GPR176: variants seen among roughly 807,000 people sequenced by gnomAD.
GPR176 encodes the protein G-protein coupled receptor 176.
GPR176 carries 26 observed loss-of-function variants against 35.4 expected under a neutral mutation model. The ratio of observed to expected loss-of-function variants is 0.74; its 90% CI spans 0.54 to 1.02. GPR176 has a LOEUF of 1.02. GPR176 is among the 50% of genes least tolerant of loss of function. GPR176 has a pLI of 0.00. For missense variants in GPR176, 597 were observed against 665.3 expected, an observed-to-expected ratio of 0.90 and a Z score of 1.13; for synonymous variants, 278 against 271.3, an observed-to-expected ratio of 1.02 and a Z score of -0.24.
At chr15:39,849,473 C>CAA (rs143960824) in intron 1 of GPR176, among the ~76,000 whole-genome samples, 2,058 of 152,168 alleles carry the variant, frequency 0.014, 67 homozygotes, top group African/African-American at 0.047. Flanking sequence ...AAAGAAAGTA[C>CAA]AAAAGAGTAC....
At chr15:39,903,583 G>T (rs1252790155) in intron 1 of GPR176, among the ~76,000 whole-genome samples, 3 of 148,574 alleles carry the variant, frequency 2.0e-5, no homozygotes, top group Non-Finnish European at 4.5e-5. Context: ...CATATGTGAG[G>T]TTTTTTTTTT....
At chr15:39,805,194 G>A (rs191217155) in intron 2 of GPR176, among the ~76,000 whole-genome samples, 57 of 152,142 alleles carry the variant, frequency 3.7e-4, no homozygotes, top group African/African-American at 1.3e-3. Context: ...AAAATGGTTC[G>A]ACATAAAATG....
chr15:39,809,244 T>A (rs577810376), intron 1 of GPR176, among the ~76,000 whole-genome samples: 1 of 152,306 alleles, frequency 6.6e-6, no homozygotes, highest in African/African-American at 2.4e-5. Flanking sequence ...GTTCTTTCCA[T>A]TCTCTAAACC....
intron 1 of GPR176, among the ~76,000 whole-genome samples, chr15:39,914,631 T>C (rs184279958): frequency 6.6e-6 from 1 of 152,322 alleles, no homozygotes; most frequent in Admixed American, 6.5e-5. Context: ...ATTCTTAACG[T>C]AGTCTGCTAG....
In GPR176 at chr15:39,801,245, A is replaced by C; in HGVS notation, c.1435T>G (p.Leu479Val). 3 of 1,614,116 alleles carry C rather than the reference A, an allele frequency of 1.9e-6. No individual in the cohort carries two copies. The highest frequency in any genetic ancestry group is 2.5e-6 in the Non-Finnish European group (3 of 1,179,982). ...RNSKKRLLPP[L>V]GNTPEELIQT... ...ATCAGCTCTTCTGGGGTGTTGCCCA[A>C]GGGGGGAAGCAGCCGCTTCTTGCTG... Residue 479 changes from leucine to valine, a missense_variant, in exon 3 of 3, where the codon TTG (leucine) becomes GTG (valine). Physicochemically the swap from Leu to Val is conservative, Grantham distance 32 (BLOSUM62 1). Around this residue, in one of 3 missense-constraint regions of GPR176, gnomAD observed 251 missense variants for 255.4 expected, o/e 0.98. Coordinates refer to ENST00000561100, the MANE Select transcript of GPR176 (RefSeq NM_007223.3).
At chr15:39,866,707 G>T (rs1195881170) in intron 1 of GPR176, among the ~76,000 whole-genome samples, 1 of 152,184 alleles carries the variant, frequency 6.6e-6, no homozygotes, top group African/African-American at 2.4e-5. Flanking sequence ...TTTCAAAAAT[G>T]TAAGCATCAC....
At chr15:39,851,653 C>A (rs1289957119) in intron 1 of GPR176, among the ~76,000 whole-genome samples, 1 of 152,184 alleles carries the variant, frequency 6.6e-6, no homozygotes, top group Non-Finnish European at 1.5e-5. Context: ...TTAACATCAA[C>A]TCTTGTTTTC....
chr15:39,890,965 A>T (rs1296826004), intron 1 of GPR176, among the ~76,000 whole-genome samples: 1 of 152,212 alleles, frequency 6.6e-6, no homozygotes, highest in Non-Finnish European at 1.5e-5. Context: ...CCCAAGGGGG[A>T]GGTAGCAGTG....
chr15:39,872,783 C>T (rs8028876), intron 1 of GPR176, among the ~76,000 whole-genome samples: 74 of 152,220 alleles, frequency 4.9e-4, no homozygotes, highest in African/African-American at 1.6e-3. Flanking sequence ...ACTCACTTTT[C>T]GCAAAGATAG....
chr15:39,870,353 G>C (rs935249761), intron 1 of GPR176, among the ~76,000 whole-genome samples: 1 of 152,038 alleles, frequency 6.6e-6, no homozygotes, highest in African/African-American at 2.4e-5. Flanking sequence ...ATATCTTGGG[G>C]GCCTACTACA....
In GPR176 at chr15:39,801,917, G is replaced by A; in HGVS notation, c.763C>T (p.Pro255Ser). ...LRTPQNTISI[P>S]YASQREAELH... is the part of the protein sequence containing the mutation. ...TCGGCCTCCCGCTGGGAGGCATAGGGAATAGAGATGGTGTTCTGTGGGGTC... is the reference window on the plus strand; with the variant it reads ...TCGGCCTCCCGCTGGGAGGCATAGGAAATAGAGATGGTGTTCTGTGGGGTC... The change falls in exon 3 of 3, where the codon CCC (proline) becomes TCC (serine). Residue 255 changes from proline to serine, a missense_variant. Pro to Ser is a moderately conservative substitution (Grantham distance 74). Around this residue, in one of 3 missense-constraint regions of GPR176, gnomAD observed 220 missense variants for 297.6 expected, o/e 0.74. Coordinates refer to ENST00000561100, the MANE Select transcript of GPR176 (RefSeq NM_007223.3). The A allele has an allele frequency of 6.2e-7, 1 of 1,614,034 alleles. No homozygotes were observed. Among genetic ancestry groups the A allele is most frequent in the Non-Finnish European group, 8.5e-7 (1 of 1,179,966 alleles).
intron 1 of GPR176, among the ~76,000 whole-genome samples, chr15:39,887,021 C>T (rs1311346875): frequency 6.6e-6 from 1 of 152,318 alleles, no homozygotes; most frequent in East Asian, 1.9e-4. Flanking sequence ...TTCTATGAGT[C>T]TAAACCAGTG....
At chr15:39,810,139 C>CAA (rs1217329545) in intron 1 of GPR176, among the ~76,000 whole-genome samples, 4 of 66,340 alleles carry the variant, frequency 6.0e-5, no homozygotes, top group Non-Finnish European at 6.1e-5. Flanking sequence ...GACTCCGTCT[C>CAA]AAAAAAAAAA....
intron 1 of GPR176, among the ~76,000 whole-genome samples, chr15:39,851,447 T>G (rs2030858882): frequency 1.3e-5 from 2 of 152,174 alleles, no homozygotes; most frequent in East Asian, 3.8e-4. Context: ...TTGAAATATT[T>G]TTTTCCACTC....
At chr15:39,886,723 T>C (rs1294000702) in intron 1 of GPR176, among the ~76,000 whole-genome samples, 1 of 152,210 alleles carries the variant, frequency 6.6e-6, no homozygotes, top group Non-Finnish European at 1.5e-5. Context: ...AGAATTAAAC[T>C]GTAACAGCTG....
chr15:39,902,263 C>T (rs2033301805), intron 1 of GPR176, among the ~76,000 whole-genome samples: 1 of 152,168 alleles, frequency 6.6e-6, no homozygotes, highest in Non-Finnish European at 1.5e-5. Flanking sequence ...GCACTCAACC[C>T]ACCATTCAGC....
intron 1 of GPR176, among the ~76,000 whole-genome samples, chr15:39,833,962 A>G (rs1901247016): frequency 6.6e-6 from 1 of 152,192 alleles, no homozygotes; most frequent in African/African-American, 2.4e-5. Context: ...CAGGGCAGCA[A>G]TTAAACACAT....
At chr15:39,835,171 C>A (rs1901318486) in intron 1 of GPR176, among the ~76,000 whole-genome samples, 1 of 151,956 alleles carries the variant, frequency 6.6e-6, no homozygotes, top group South Asian at 2.1e-4. Flanking sequence ...GCATGTGCCA[C>A]CATGCCCGGT....
chr15:39,856,021 C>A (rs1489814990), intron 1 of GPR176, among the ~76,000 whole-genome samples: 1 of 152,180 alleles, frequency 6.6e-6, no homozygotes, highest in Non-Finnish European at 1.5e-5. Context: ...ATCACTTGAC[C>A]AATATCACCT....
Sources: allele counts gnomAD v4.1 joint callset (sites outside exome capture counted in the v4.1 genomes callset), GRCh38; gene constraint gnomAD v4.1.1; regional missense constraint gnomAD v4.1.1; transcripts MANE v1.5; gene names NCBI Gene and HGNC (gene_info 2026-07-23, HGNC 2026-07-21).